Variants in DLG2 observed in about 807,000 individuals in gnomAD.
DLG2 encodes the protein discs large MAGUK scaffold protein 2.
Under a neutral mutation model 132.5 loss-of-function variants are expected in DLG2, and 45 were observed. The observed-to-expected ratio is 0.34, with a 90% confidence interval of 0.27 to 0.44. The LOEUF (loss-of-function observed/expected upper bound fraction) is 0.44. Ranked by LOEUF, DLG2 falls within the 20% of genes least tolerant of loss-of-function variation. The pLI is 1.00. For missense variants in DLG2, 1,045 were observed against 1,196.9 expected (o/e 0.87, Z 1.87); for synonymous variants, 424 against 419.6 (o/e 1.01, Z -0.13).
chr11:83,837,116 G>A (rs560291752), intron 16 of DLG2, among the ~76,000 whole-genome samples: 1 of 152,282 alleles, frequency 6.6e-6, no homozygotes, highest in African/African-American at 2.4e-5. Flanking sequence ...GGGCCCTGCT[G>A]ATACTATCCT....
chr11:84,631,019 C>CTCTCTCTG (rs1491269248), intron 6 of DLG2, among the ~76,000 whole-genome samples: 1 of 76,414 alleles, frequency 1.3e-5, no homozygotes, highest in African/African-American at 5.7e-5. Flanking sequence ...CTCTCTCTCT[C>CTCTCTCTG]ACACACACAC....
chr11:83,712,904 C>T (rs36125731), intron 18 of DLG2, among the ~76,000 whole-genome samples: 6,178 of 151,488 alleles, frequency 0.041, 176 homozygotes, highest in Middle Eastern at 0.092. Context: ...AGCAAATCAC[C>T]GTGGCACAAG....
At chr11:83,630,830 C>T (rs779934780) in intron 19 of DLG2, among the ~76,000 whole-genome samples, 30 of 152,116 alleles carry the variant, frequency 2.0e-4, no homozygotes, top group Middle Eastern at 3.4e-3. Context: ...AGCAGAGGGC[C>T]CAATGATAGC....
In DLG2 at chr11:84,615,818, T is replaced by TAA. The variant is rs559199428; in HGVS notation, c.358-81089_358-81088dup. Among the ~76,000 whole-genome samples, 70 of 67,606 alleles carry TAA rather than the reference T, an allele frequency of 1.0e-3. 2 individuals are homozygous for TAA. Among genetic ancestry groups the TAA allele is most frequent in the Middle Eastern group, 0.024 (2 of 84 alleles). 44.4% of individuals were successfully genotyped at this position (67,606 alleles called of 152,430 possible). A position where few individuals can be genotyped will look rare whatever the true frequency, so the allele number is the denominator to read the frequency against. ...AGAGAAAATTTCAGGACAAAAACGG[T>TAA]AAAAAAAAAAAAAAAAAAAAAACTT... On this transcript the variant is annotated intron_variant, in intron 6 of 27. Coordinates refer to ENST00000376104, the MANE Select transcript of DLG2 (RefSeq NM_001142699.3).
intron 3 of DLG2, among the ~76,000 whole-genome samples, chr11:85,371,811 C>T (rs74583482): frequency 0.049 from 7,479 of 152,204 alleles, 212 homozygotes; most frequent in African/African-American, 0.057. Context: ...AGGTCTTATC[C>T]GTGATTCCTT....
At chr11:85,287,644 C>T (rs1347234937) in intron 3 of DLG2, among the ~76,000 whole-genome samples, 1 of 152,054 alleles carries the variant, frequency 6.6e-6, no homozygotes, top group African/African-American at 2.4e-5. Context: ...CTACCCAGTA[C>T]ATATCCTAGA....
At chr11:85,136,110 T>C (rs574598481) in intron 5 of DLG2, among the ~76,000 whole-genome samples, 34 of 152,302 alleles carry the variant, frequency 2.2e-4, no homozygotes, top group African/African-American at 7.9e-4. Flanking sequence ...ATACATCCAA[T>C]AAAAGTGCTT....
chr11:84,861,107 G>GCACA (rs1408233030), intron 6 of DLG2, among the ~76,000 whole-genome samples: 5 of 152,064 alleles, frequency 3.3e-5, no homozygotes, highest in Non-Finnish European at 7.4e-5. Context: ...CTTGGTAACA[G>GCACA]CACAGGCTGC....
chr11:85,055,391 G>C (rs954824119), intron 6 of DLG2, among the ~76,000 whole-genome samples: 4 of 152,120 alleles, frequency 2.6e-5, no homozygotes, highest in African/African-American at 9.7e-5. Flanking sequence ...AGTCAGCCAG[G>C]ACTTATGGGT....
At chr11:84,879,498 CTTTG>C (rs1213561394) in intron 6 of DLG2, among the ~76,000 whole-genome samples, 1 of 152,002 alleles carries the variant, frequency 6.6e-6, no homozygotes, top group Non-Finnish European at 1.5e-5. Flanking sequence ...GAGGCCTGAT[CTTTG>C]TTTGTGTGTG....
intron 11 of DLG2, among the ~76,000 whole-genome samples, chr11:84,050,152 ACT>A: frequency 2.7e-5 from 2 of 74,246 alleles, no homozygotes; most frequent in East Asian, 4.1e-4. Flanking sequence ...ACTACTGGAG[ACT>A]TTTTTTTTTT....
intron 6 of DLG2, among the ~76,000 whole-genome samples, chr11:84,751,413 T>TA (rs1045802428): frequency 2.6e-5 from 4 of 152,090 alleles, no homozygotes; most frequent in African/African-American, 9.7e-5. Flanking sequence ...GGTATTATTG[T>TA]AAAAACTGTA....
rs1594696010 is a variant in DLG2, at chr11:84,642,697, C to T, written c.358-107966G>A. Reference sequence around the variant, plus strand: ...CCTGTAAACCACAGCTAGAGGTTCCCCACTCTACATGGACAGTTTTACCTC... The same window carrying T: ...CCTGTAAACCACAGCTAGAGGTTCCTCACTCTACATGGACAGTTTTACCTC... On this transcript the variant is annotated intron_variant, in intron 6 of 27. Transcript: ENST00000376104. Among the ~76,000 whole-genome samples the T allele has an allele frequency of 2.6e-5, 4 of 152,148 alleles. No individual in the cohort carries two copies. In the East Asian group the frequency reaches 7.7e-4, roughly 29 times the overall value.
chr11:85,525,090 C>T (rs1265871705), intron 3 of DLG2: 2 of 152,022 alleles, frequency 1.3e-5, no homozygotes. Context: ...TTATTAGTAC[C>T]CTTAACATCC....
chr11:84,961,052 A>T (rs918025573), intron 6 of DLG2, among the ~76,000 whole-genome samples: 10 of 151,948 alleles, frequency 6.6e-5, no homozygotes, highest in African/African-American at 1.7e-4. Flanking sequence ...TGAAATGTAA[A>T]TATATTGAAA....
Position 83,655,713 on chromosome 11 carries a change from A to G in DLG2, c.1826-22388T>C, listed in dbSNP as rs143594791. On this transcript the variant is annotated intron_variant, in intron 18 of 27. Transcript: ENST00000376104. ...ATTGAGAGTGTTTAGGCCAACTAAT[A>G]GCTCAGGAAACAGCTCCCCACACCC... Among the ~76,000 whole-genome samples, 338 of 152,338 alleles carry G rather than the reference A, an allele frequency of 2.2e-3. 1 individual carries two copies. Among genetic ancestry groups the G allele is most frequent in the African/African-American group, 7.8e-3 (326 of 41,574 alleles).
chr11:84,043,093 CTAAA>C (rs971408593), intron 11 of DLG2, among the ~76,000 whole-genome samples: 4 of 150,218 alleles, frequency 2.7e-5, no homozygotes, highest in African/African-American at 9.8e-5. Context: ...TATTTATTGC[CTAAA>C]TAAATTAATT....
At chr11:84,194,785 G>T (rs1473449500) in intron 8 of DLG2, among the ~76,000 whole-genome samples, 1 of 152,198 alleles carries the variant, frequency 6.6e-6, no homozygotes, top group African/African-American at 2.4e-5. Flanking sequence ...AGGCAGAGCT[G>T]CCTGCCAGTC....
intron 7 of DLG2, among the ~76,000 whole-genome samples, chr11:84,383,600 G>C (rs1006131236): frequency 6.6e-6 from 1 of 152,094 alleles, no homozygotes; most frequent in Non-Finnish European, 1.5e-5. Flanking sequence ...CCTATGGAGA[G>C]GGCTGCATGG....
Sources: gnomAD v4.1 joint callset for allele counts (sites outside exome capture counted in the v4.1 genomes callset) on GRCh38, gnomAD v4.1.1 for gene constraint, MANE v1.5 for transcripts, NCBI Gene and HGNC (gene_info 2026-07-23, HGNC 2026-07-21) for gene names.